AIG1: variants seen among roughly 807,000 people sequenced by gnomAD.
The protein encoded by AIG1 is androgen-induced gene 1 protein.
Under a neutral mutation model 31.4 loss-of-function variants are expected in AIG1, and 23 were observed. The ratio of observed to expected loss-of-function variants is 0.73; its 90% CI spans 0.53 to 1.04. The LOEUF (loss-of-function observed/expected upper bound fraction) is 1.04, where lower values mean the gene tolerates loss of function less well. Among genes scored for constraint, AIG1 ranks in the 50% least tolerant of loss-of-function variants. The probability of loss-of-function intolerance (pLI) is 0.00; values close to 1 mark genes in which losing one functional copy is unlikely to be tolerated. For synonymous variants in AIG1, 100 were observed against 110.5 expected (o/e 0.90, Z 0.60); for missense variants, 274 against 295.0 (o/e 0.93, Z 0.52).
chr6:143,263,503 A>AT (rs1554263109), intron 3 of AIG1, among the ~76,000 whole-genome samples: 1 of 152,136 alleles, frequency 6.6e-6, no homozygotes, highest in Non-Finnish European at 1.5e-5. Context: ...CTTTAAAAAA[A>AT]TTTTATGAAT....
intron 1 of AIG1, among the ~76,000 whole-genome samples, chr6:143,082,406 T>G (rs1016337042): frequency 2.6e-5 from 4 of 152,218 alleles, no homozygotes; most frequent in African/African-American, 9.7e-5. Context: ...TTGCCAGTTA[T>G]GTTCTATTTT....
intron 3 of AIG1, among the ~76,000 whole-genome samples, chr6:143,277,444 AC>A (rs1797020097): frequency 6.6e-6 from 1 of 152,228 alleles, no homozygotes; most frequent in Admixed American, 6.5e-5. Context: ...ATACAGGTGC[AC>A]AGTAACACAA....
Position 143,279,685 on chromosome 6 carries a change from C to G in AIG1, c.400-4425C>G, listed in dbSNP as rs577986370. ...GGCAGTGGAGTCAGTTCACTCCGCTCCATCACGGGGGACCCACCAAGACCC... is the reference window on the plus strand; with the variant it reads ...GGCAGTGGAGTCAGTTCACTCCGCTGCATCACGGGGGACCCACCAAGACCC... On this transcript the variant is annotated intron_variant, in intron 3 of 5. Coordinates refer to ENST00000357847, the MANE Select transcript of AIG1 (RefSeq NM_016108.4). This position sits in a 1 kb window ranked among gnomAD's most constrained non-coding sequence, Gnocchi z 5.4. Among the ~76,000 whole-genome samples the G allele has an allele frequency of 6.6e-6, 1 of 152,212 alleles. No individual in the cohort carries two copies. The highest frequency in any genetic ancestry group is 2.4e-5 in the African/African-American group (1 of 41,528).
rs955029486 is a variant in AIG1 at position 143,211,923 on chromosome 6, A to T, written c.399+46740A>T. On this transcript the variant is annotated intron_variant, in intron 3 of 5. Coordinates refer to ENST00000357847, the MANE Select transcript of AIG1 (RefSeq NM_016108.4). ...AAAAAAAAAATTCCAACGTAAGTTT[A>T]TTTCTAAATTTTTCCTTTCCTGTGG... Among the ~76,000 whole-genome samples the T allele has an allele frequency of 3.0e-3, 456 of 151,926 alleles. 1 individual carries two copies. Among genetic ancestry groups the T allele is most frequent in the African/African-American group, 0.01 (419 of 41,450 alleles).
Position 143,210,815 on chromosome 6 carries a change from G to A in AIG1, c.399+45632G>A, listed in dbSNP as rs186512277. On this transcript the variant is annotated intron_variant, in intron 3 of 5. Coordinates refer to ENST00000357847, the MANE Select transcript of AIG1 (RefSeq NM_016108.4). ...AACATTTATTAAGTCAAATCAATAT[G>A]GCAAAATTGTGTCTTCTGCTATGAC... Among the ~76,000 whole-genome samples, 88 of 152,274 alleles carry A rather than the reference G, an allele frequency of 5.8e-4. 1 individual carries two copies. The East Asian group carries it at 0.014, about 23-fold the overall frequency.
chr6:143,115,646 G>A (rs373550273), intron 1 of AIG1, among the ~76,000 whole-genome samples: 2 of 152,122 alleles, frequency 1.3e-5, no homozygotes, highest in Non-Finnish European at 2.9e-5. Flanking sequence ...GATATCATAC[G>A]TATACTATAG....
intron 3 of AIG1, among the ~76,000 whole-genome samples, chr6:143,203,242 G>A (rs972721040): frequency 3.9e-5 from 6 of 152,182 alleles, no homozygotes; most frequent in Admixed American, 3.3e-4. Context: ...AGGTCACATA[G>A]CTAGACAGTC....
At chr6:143,088,815 A>C (rs996561794) in intron 1 of AIG1, among the ~76,000 whole-genome samples, 1 of 152,242 alleles carries the variant, frequency 6.6e-6, no homozygotes, top group East Asian at 1.9e-4. Flanking sequence ...GTGTTCCACA[A>C]ATGTTGCTGG....
chr6:143,281,276 A>G (rs976728611), intron 3 of AIG1, among the ~76,000 whole-genome samples: 5 of 152,218 alleles, frequency 3.3e-5, no homozygotes, highest in Admixed American at 6.5e-5. Flanking sequence ...GGAGTTAATA[A>G]TATCCATATA....
intron 1 of AIG1, among the ~76,000 whole-genome samples, chr6:143,132,213 CA>C (rs1783302917): frequency 6.6e-6 from 1 of 151,708 alleles, no homozygotes; most frequent in Admixed American, 6.6e-5. Context: ...CTATATTATC[CA>C]CATCTATTTT....
chr6:143,306,324 T>C (rs937603672), intron 4 of AIG1, among the ~76,000 whole-genome samples: 1 of 152,232 alleles, frequency 6.6e-6, no homozygotes, highest in Non-Finnish European at 1.5e-5. Context: ...CTAGCCTTGA[T>C]GGTCTTTACA....
chr6:143,342,129 G>A (rs2128728811), downstream of AIG1: 1 of 484,350 alleles, frequency 2.1e-6, no homozygotes, highest in African/African-American at 2.0e-5. Context: ...TCTCCATGTT[G>A]GTCAGGCTGG....
chr6:143,143,781 CA>C (rs1784494926), intron 2 of AIG1, among the ~76,000 whole-genome samples: 1 of 151,718 alleles, frequency 6.6e-6, no homozygotes, highest in African/African-American at 2.4e-5. Flanking sequence ...TTGCCCCCTG[CA>C]CTGAAATAAG....
At chr6:143,189,486 TATTTC>T (rs1789590926) in intron 3 of AIG1, 1 of 985,058 alleles carries the variant, frequency 1.0e-6, no homozygotes, top group Non-Finnish European at 1.2e-6. Flanking sequence ...AGCTTGATGA[TATTTC>T]ATTAGGTTTT....
At chr6:143,324,220 A>G (rs1776434411) in intron 4 of AIG1, among the ~76,000 whole-genome samples, 1 of 152,202 alleles carries the variant, frequency 6.6e-6, no homozygotes, top group African/African-American at 2.4e-5. Context: ...GGAAGTGTTT[A>G]TTACTTTATG....
intron 3 of AIG1, among the ~76,000 whole-genome samples, chr6:143,236,055 A>G (rs1793781683): frequency 1.3e-5 from 2 of 152,324 alleles, no homozygotes; most frequent in Non-Finnish European, 2.9e-5. Context: ...TTTCGGGTAT[A>G]TATACTGAAC....
At chr6:143,206,437 T>A (rs1791113656) in intron 3 of AIG1, among the ~76,000 whole-genome samples, 1 of 152,220 alleles carries the variant, frequency 6.6e-6, no homozygotes, top group Non-Finnish European at 1.5e-5. Flanking sequence ...CTCACCTTTG[T>A]AAATATAGGT....
intron 3 of AIG1, among the ~76,000 whole-genome samples, chr6:143,210,022 A>G (rs989156308): frequency 3.3e-5 from 5 of 152,300 alleles, no homozygotes; most frequent in Admixed American, 2.0e-4. Context: ...TGTAGTTCCC[A>G]TAATCCCCAC....
chr6:143,327,143 A>T lies in AIG1; in HGVS notation c.516-6139A>T, dbSNP rs1776672549. 1 of 159,094 alleles carries T rather than the reference A, an allele frequency of 6.3e-6. No individual in the cohort carries two copies. The highest frequency in any genetic ancestry group is 2.4e-5 in the African/African-American group (1 of 41,494). The allele number at this position is 159,094 out of a possible 1,614,324, so 9.9% of individuals were successfully genotyped here. A position where few individuals can be genotyped will look rare whatever the true frequency, so the allele number is the denominator to read the frequency against. On this transcript the variant is annotated intron_variant, in intron 4 of 5. Transcript: ENST00000357847. This position sits in a 1 kb window ranked among gnomAD's most constrained non-coding sequence, Gnocchi z 5.3. The stretch of plus-strand genomic sequence containing the variant: ...TCCTCTAGACAGAAATGCTTCTAAC[A>T]CAAATTAAGATGCTGGTGATGCACA...
Sources: allele counts gnomAD v4.1 joint callset (sites outside exome capture counted in the v4.1 genomes callset), GRCh38; gene constraint gnomAD v4.1.1; non-coding constraint Gnocchi (gnomAD v3.1); transcripts MANE v1.5; gene names NCBI Gene and HGNC (gene_info 2026-07-23, HGNC 2026-07-21).